The following BATF3 variants were observed in gnomAD, a reference collection of about 807,000 sequenced individuals.
BATF3 encodes basic leucine zipper ATF-like transcription factor 3.
In BATF3, 8 loss-of-function variants were observed where a neutral mutation model predicts 16.1. The ratio of observed to expected loss-of-function variants is 0.50; its 90% CI spans 0.29 to 0.90. The LOEUF is 0.90. BATF3 is among the 40% of genes least tolerant of loss of function. The pLI is 0.08. For missense variants in BATF3, 139 were observed against 167.0 expected, an observed-to-expected ratio of 0.83 and a Z score of 0.92; for synonymous variants, 74 against 72.7, an observed-to-expected ratio of 1.02 and a Z score of -0.09.
At position 212,689,665 on chromosome 1, in the gene BATF3, G is replaced by C. The variant is rs1423863593; in HGVS notation, c.196-2686C>G. Among the ~76,000 whole-genome samples the C allele has an allele frequency of 2.6e-5, 4 of 152,108 alleles. No individual in the cohort carries two copies. Among genetic ancestry groups the C allele is most frequent in the South Asian group, 4.1e-4 (2 of 4,820 alleles). ...AAGGGAATCATGCAGGCAGCAGAGG[G>C]ATGAGAAAAGCTGCAGCACACACAC... On this transcript the variant is annotated intron_variant, in intron 2 of 2. Coordinates refer to ENST00000243440, the MANE Select transcript of BATF3 (RefSeq NM_018664.3). This position sits in a 1 kb window ranked among gnomAD's most constrained non-coding sequence, Gnocchi z 4.6.
chr1:212,687,277 T>C (rs1270669898), intron 2 of BATF3, among the ~76,000 whole-genome samples: 1 of 152,096 alleles, frequency 6.6e-6, no homozygotes, highest in Non-Finnish European at 1.5e-5. Context: ...TTTCAATCAC[T>C]CCAAAAAGTT....
chr1:212,696,111 C>T (rs1245846622), intron 2 of BATF3, among the ~76,000 whole-genome samples: 1 of 146,410 alleles, frequency 6.8e-6, no homozygotes, highest in African/African-American at 2.5e-5. Flanking sequence ...GCTGGGAGAA[C>T]AGATTAATAG....
In BATF3 at chr1:212,689,754, TATACACAC is replaced by T. The variant is rs1656951448; in HGVS notation, c.196-2783_196-2776del. Among the ~76,000 whole-genome samples the T allele has an allele frequency of 1.3e-5, 2 of 149,780 alleles. No homozygotes were observed. The highest frequency in any genetic ancestry group is 1.3e-4 in the Admixed American group (2 of 15,040). ...TCACACACTCTTACACACATACACATATACACACACTCACACACGTCCGCAAACACACT... is the reference window on the plus strand; with the variant it reads ...TCACACACTCTTACACACATACACATACTCACACACGTCCGCAAACACACT... On this transcript the variant is annotated intron_variant, in intron 2 of 2. Transcript: ENST00000243440. The surrounding 1 kb of genome is among the most constrained non-coding windows in gnomAD (Gnocchi z 4.6).
At position 212,697,273 on chromosome 1, in the gene BATF3, G is replaced by A. The variant is rs115097080; in HGVS notation, c.91-208C>T. The A allele has an allele frequency of 6.4e-4, 322 of 501,462 alleles. 1 individual carries two copies. Among genetic ancestry groups the A allele is most frequent in the African/African-American group, 5.7e-3 (290 of 51,286 alleles). 31.1% of individuals were successfully genotyped at this position (501,462 alleles called of 1,614,324 possible). ...GTGTGAAGTGTGTGGTGTGACCGCCGTTTAAAAGATGAGGAATAAGAAACT... is the reference window on the plus strand; with the variant it reads ...GTGTGAAGTGTGTGGTGTGACCGCCATTTAAAAGATGAGGAATAAGAAACT... On this transcript the variant is annotated intron_variant, in intron 1 of 2. Coordinates refer to ENST00000243440, the MANE Select transcript of BATF3 (RefSeq NM_018664.3).
At chr1:212,691,723 C>G (rs570426362) in intron 2 of BATF3, among the ~76,000 whole-genome samples, 1 of 152,362 alleles carries the variant, frequency 6.6e-6, no homozygotes, top group African/African-American at 2.4e-5. Context: ...GATGGCACTG[C>G]TGCTTTCCTT....
In BATF3 at chr1:212,699,059, G is replaced by C. The variant is rs771286433; in HGVS notation, c.90+614C>G. 1.3e-5 allele frequency among the ~76,000 whole-genome samples: 2 copies of C among 152,238 alleles called. No homozygotes were observed. The highest frequency in any genetic ancestry group is 2.9e-5 in the Non-Finnish European group (2 of 68,040). On this transcript the variant is annotated intron_variant, in intron 1 of 2. Coordinates refer to ENST00000243440, the MANE Select transcript of BATF3 (RefSeq NM_018664.3). The surrounding 1 kb of genome is among the most constrained non-coding windows in gnomAD (Gnocchi z 4.4). Reference sequence around the variant, plus strand: ...TCTTCGTCGTAAGGCAGGTGGCCAAGACCCAGGCAAAGTTTCCAGACGGCC... The same window carrying C: ...TCTTCGTCGTAAGGCAGGTGGCCAACACCCAGGCAAAGTTTCCAGACGGCC...
At position 212,699,266 on chromosome 1, in the gene BATF3, C is replaced by T. The variant is rs987756899; in HGVS notation, c.90+407G>A. On this transcript the variant is annotated intron_variant, in intron 1 of 2. Transcript: ENST00000243440. The surrounding 1 kb of genome is among the most constrained non-coding windows in gnomAD (Gnocchi z 4.4). Reference sequence around the variant, plus strand: ...CATTCCCGCGGCAGCACCCCCCCCACCCGGGGGAATCCTGGAGGGGCTACA... The same window carrying T: ...CATTCCCGCGGCAGCACCCCCCCCATCCGGGGGAATCCTGGAGGGGCTACA... 7.4e-4 allele frequency among the ~76,000 whole-genome samples: 112 copies of T among 152,142 alleles called. No homozygotes were observed. Among genetic ancestry groups the T allele is most frequent in the African/African-American group, 2.6e-3 (107 of 41,518 alleles).
At position 212,689,656 on chromosome 1, in the gene BATF3, C is replaced by T. The variant is rs767482105; in HGVS notation, c.196-2677G>A. Among the ~76,000 whole-genome samples, 2 of 152,128 alleles carry T rather than the reference C, an allele frequency of 1.3e-5. No homozygotes were observed. Among genetic ancestry groups the T allele is most frequent in the East Asian group, 3.8e-4 (2 of 5,200 alleles). ...CAGGGCGTCAAGGGAATCATGCAGG[C>T]AGCAGAGGGATGAGAAAAGCTGCAG... On this transcript the variant is annotated intron_variant, in intron 2 of 2. Coordinates refer to ENST00000243440, the MANE Select transcript of BATF3 (RefSeq NM_018664.3). The surrounding 1 kb of genome is among the most constrained non-coding windows in gnomAD (Gnocchi z 4.6).
chr1:212,693,893 C>T (rs1335520834), intron 2 of BATF3, among the ~76,000 whole-genome samples: 1 of 152,166 alleles, frequency 6.6e-6, no homozygotes, highest in Non-Finnish European at 1.5e-5. Flanking sequence ...CAGAAGTTTA[C>T]ATTCTAATCT....
chr1:212,697,038 G>T lies in BATF3; in HGVS notation c.118C>A (p.Arg40=), dbSNP rs186099974. 1.3e-4 allele frequency: 203 copies of T among 1,614,010 alleles called. 2 individuals carry two copies. In the East Asian group the frequency reaches 4.3e-3, roughly 34 times the overall value. The change falls in exon 2 of 3, where the codon CGA becomes AGA. Residue 40 remains arginine (R), a synonymous_variant. Transcript: ENST00000243440. The stretch of plus-strand genomic sequence containing the variant: ...GCAACTCGGTTTTTTTCTCTCCTTC[G>T]GACCTTCCTGTCATCATCCTCAGGG... The part of the protein sequence containing the change: ...QSPEDDDRKV[R]RREKNRVAAQ...
chr1:212,695,698 C>T (rs1271681173), intron 2 of BATF3, among the ~76,000 whole-genome samples: 1 of 151,954 alleles, frequency 6.6e-6, no homozygotes, highest in Non-Finnish European at 1.5e-5. Context: ...TAATTACACA[C>T]ACCAACCCCG....
intron 2 of BATF3, 95 bp downstream of exon 2, chr1:212,696,866 T>C (rs1352832375): frequency 1.1e-6 from 1 of 910,404 alleles, no homozygotes; most frequent in African/African-American, 1.6e-5. Context: ...TGAGTGTTGC[T>C]GAAATCGTGA....
chr1:212,697,817 A>G (rs116399471), intron 1 of BATF3: 4 of 152,302 alleles, frequency 2.6e-5, no homozygotes, highest in African/African-American at 9.6e-5. Context: ...TGGTAAAAAC[A>G]CTTCAATCAG....
At chr1:212,694,222 C>T (rs1035495954) in intron 2 of BATF3, among the ~76,000 whole-genome samples, 6 of 152,202 alleles carry the variant, frequency 3.9e-5, no homozygotes, top group African/African-American at 1.4e-4. Flanking sequence ...GGAAGGCAGC[C>T]CTGCTGCCAT....
At position 212,696,969 on chromosome 1, in the gene BATF3, G is replaced by A; in HGVS notation, c.187C>T (p.Leu63Phe). Residue 63 changes from leucine to phenylalanine, a missense_variant, in exon 2 of 3, where the codon CTC (leucine) becomes TTC (phenylalanine). By Grantham distance (22) the Leu-to-Phe change is conservative. Coordinates refer to ENST00000243440, the MANE Select transcript of BATF3 (RefSeq NM_018664.3). ...RKKQTQKADK[L>F]HEEYESLEQE... ...CCCTACCACGGTCTCACCTCATGGA[G>A]CTTGTCAGCCTTCTGGGTCTGCTTC... The A allele has an allele frequency of 6.2e-7, 1 of 1,614,144 alleles. No homozygotes were observed. Among genetic ancestry groups the A allele is most frequent in the Non-Finnish European group, 8.5e-7 (1 of 1,179,978 alleles).
rs1571838959 is a variant in BATF3 at position 212,699,787 on chromosome 1, C to CGCCCCGCCCCGCCCGCGCGCCCT, written c.-48_-26dup. 1 of 1,166,282 alleles carries CGCCCCGCCCCGCCCGCGCGCCCT rather than the reference C, an allele frequency of 8.6e-7. No homozygotes were observed. Among genetic ancestry groups the CGCCCCGCCCCGCCCGCGCGCCCT allele is most frequent in the Non-Finnish European group, 1.1e-6 (1 of 945,312 alleles). The allele number at this position is 1,166,282 out of a possible 1,614,324, so 72.2% of individuals were successfully genotyped here. On this transcript the variant is annotated 5_prime_UTR_variant, in exon 1 of 3. Transcript: ENST00000243440. This position sits in a 1 kb window ranked among gnomAD's most constrained non-coding sequence, Gnocchi z 4.4. The stretch of plus-strand genomic sequence containing the variant: ...TGCCGGGCGCTCCTCTGGCCCGGCC[C>CGCCCCGCCCCGCCCGCGCGCCCT]GCCCCGCCCCGCCCGCGCGCCCTGC...
intron 2 of BATF3, among the ~76,000 whole-genome samples, chr1:212,694,275 C>T (rs1049462635): frequency 1.4e-4 from 21 of 152,290 alleles, no homozygotes; most frequent in African/African-American, 4.8e-4. Flanking sequence ...TGTGTGACTG[C>T]CAAAGCTGGA....
chr1:212,692,962 T>G (rs941267301), intron 2 of BATF3, among the ~76,000 whole-genome samples: 4 of 152,136 alleles, frequency 2.6e-5, no homozygotes, highest in Non-Finnish European at 4.4e-5. Context: ...TGTCTCCCAA[T>G]GAGCTGGCCT....
rs571402474 is a variant in BATF3 at position 212,689,398 on chromosome 1, G to T, written c.196-2419C>A. Among the ~76,000 whole-genome samples, 1 of 152,162 alleles carries T rather than the reference G, an allele frequency of 6.6e-6. No individual in the cohort carries two copies. Among genetic ancestry groups the T allele is most frequent in the Non-Finnish European group, 1.5e-5 (1 of 68,024 alleles). ...AGCCATTCCCCAGGCAGGTTCCCAG[G>T]GTGGTCTGGAGCACTCTCCAGGGCA... On this transcript the variant is annotated intron_variant, in intron 2 of 2. Transcript: ENST00000243440. This position sits in a 1 kb window ranked among gnomAD's most constrained non-coding sequence, Gnocchi z 4.6.
Sources: allele counts gnomAD v4.1 joint callset (sites outside exome capture counted in the v4.1 genomes callset), GRCh38; gene constraint gnomAD v4.1.1; non-coding constraint Gnocchi (gnomAD v3.1); transcripts MANE v1.5; gene names NCBI Gene and HGNC (gene_info 2026-07-23, HGNC 2026-07-21).